DKK3: variants seen among roughly 807,000 people sequenced by gnomAD.
The protein encoded by DKK3 is dickkopf-related protein 3.
A neutral mutation model predicts 33.2 loss-of-function variants in DKK3; 22 were observed. The observed-to-expected ratio is 0.66, with a 90% confidence interval of 0.47 to 0.95. DKK3 has a LOEUF of 0.95. DKK3 is among the 40% of genes least tolerant of loss of function. The pLI, the probability that DKK3 is intolerant of heterozygous loss-of-function variation, is 0.00. For synonymous variants in DKK3, 194 were observed against 188.8 expected (o/e 1.03, Z -0.23); for missense variants, 398 against 458.4 (o/e 0.87, Z 1.20).
intron 3 of DKK3, among the ~76,000 whole-genome samples, chr11:11,989,473 G>T (rs1339937073): frequency 1.3e-5 from 2 of 152,146 alleles, no homozygotes; most frequent in African/African-American, 4.8e-5. Flanking sequence ...TACACTAAGA[G>T]AAATTCACCA....
At chr11:12,009,633 C>T (rs1050232689), upstream of DKK3, 4 of 985,634 alleles carry the variant, frequency 4.1e-6, no homozygotes, top group Non-Finnish European at 4.8e-6. Flanking sequence ...GTTCCTCAGT[C>T]CCACCTTGGT....
chr11:11,983,181 G>A (rs568178605), intron 3 of DKK3, among the ~76,000 whole-genome samples: 1 of 152,198 alleles, frequency 6.6e-6, no homozygotes, highest in Non-Finnish European at 1.5e-5. Flanking sequence ...TTTTAGATGA[G>A]TCAGTGAGCT....
intron 3 of DKK3, among the ~76,000 whole-genome samples, chr11:11,982,756 C>G (rs1168745082): frequency 2.0e-5 from 3 of 152,218 alleles, no homozygotes; most frequent in Non-Finnish European, 2.9e-5. Context: ...AGGGTCCATA[C>G]AGGGCCTCCT....
upstream of DKK3, chr11:12,008,665 C>T: frequency 1.6e-6 from 2 of 1,241,388 alleles, no homozygotes; most frequent in East Asian, 6.7e-5. This position sits in a 1 kb window ranked among gnomAD's most constrained non-coding sequence, Gnocchi z 4.6. Context: ...GCTGGGCCCG[C>T]CGCCCCGCCC....
intron 3 of DKK3, chr11:11,998,264 C>T (rs954694017): frequency 2.1e-5 from 5 of 240,118 alleles, no homozygotes; most frequent in Admixed American, 1.6e-4. Context: ...GCCTTTTTCC[C>T]TTTAGGCCAT....
chr11:12,006,324 C>A (rs946281761), intron 1 of DKK3, among the ~76,000 whole-genome samples: 8 of 152,176 alleles, frequency 5.3e-5, no homozygotes, highest in African/African-American at 1.4e-4. Flanking sequence ...GATAGCTGCC[C>A]AACTCACTGA....
intron 6 of DKK3, among the ~76,000 whole-genome samples, chr11:11,965,296 G>T (rs1013594045): frequency 1.3e-5 from 2 of 152,150 alleles, no homozygotes; most frequent in Non-Finnish European, 2.9e-5. Context: ...AGCAGCCCTG[G>T]ATTCTGTTGG....
At chr11:11,976,975 C>T (rs1290846380) in intron 3 of DKK3, among the ~76,000 whole-genome samples, 4 of 152,164 alleles carry the variant, frequency 2.6e-5, no homozygotes, top group Admixed American at 6.5e-5. Context: ...CCAAACCTCA[C>T]TGAGGGGCTC....
chr11:11,980,486 T>C (rs1047037230), intron 3 of DKK3, among the ~76,000 whole-genome samples: 14 of 152,180 alleles, frequency 9.2e-5, no homozygotes, highest in Admixed American at 9.2e-4. Flanking sequence ...AGAGCTCTTA[T>C]TGGTCAGCTC....
At chr11:11,969,497 A>AG (rs1258030296) in intron 3 of DKK3, among the ~76,000 whole-genome samples, 1 of 152,152 alleles carries the variant, frequency 6.6e-6, no homozygotes, top group Non-Finnish European at 1.5e-5. Context: ...TGACTAGTTC[A>AG]GGGTGGAGGG....
chr11:11,992,882 T>C (rs1848215123), intron 3 of DKK3, among the ~76,000 whole-genome samples: 1 of 152,238 alleles, frequency 6.6e-6, no homozygotes, highest in Admixed American at 6.5e-5. Context: ...ATGATCTTTA[T>C]ATTTCTTTGA....
chr11:11,979,573 C>A (rs763442868), intron 3 of DKK3: 1 of 152,312 alleles, frequency 6.6e-6, no homozygotes, highest in African/African-American at 2.4e-5. Context: ...CCTGCTAAGG[C>A]CAGGAAGTTG....
upstream of DKK3, chr11:12,009,210 C>T (rs1471837438): frequency 1.0e-6 from 1 of 985,122 alleles, no homozygotes; most frequent in Non-Finnish European, 1.2e-6. Context: ...CGGACTGGAT[C>T]TGCTCGCTCC....
chr11:12,001,163 A>G (rs1411892716), intron 2 of DKK3, among the ~76,000 whole-genome samples: 1 of 152,240 alleles, frequency 6.6e-6, no homozygotes, highest in African/African-American at 2.4e-5. Flanking sequence ...AGAAAGGGTG[A>G]CTTGATATTG....
At chr11:11,966,417 G>A (rs1395699270) in intron 5 of DKK3, among the ~76,000 whole-genome samples, 1 of 152,200 alleles carries the variant, frequency 6.6e-6, no homozygotes, top group Non-Finnish European at 1.5e-5. Context: ...AACATCGTGG[G>A]AGACAACAGG....
At chr11:11,973,258 G>A (rs1847762303) in intron 3 of DKK3, among the ~76,000 whole-genome samples, 1 of 152,238 alleles carries the variant, frequency 6.6e-6, no homozygotes, top group Non-Finnish European at 1.5e-5. Flanking sequence ...TCTGCCCAGA[G>A]GTCACCCAGC....
chr11:11,981,090 C>T (rs1441805916), intron 3 of DKK3, among the ~76,000 whole-genome samples: 2 of 152,242 alleles, frequency 1.3e-5, no homozygotes, highest in Admixed American at 1.3e-4. Context: ...CGTCCTCATC[C>T]TAGCAGAGCA....
chr11:11,992,331 A>G (rs893599553), intron 3 of DKK3, among the ~76,000 whole-genome samples: 1 of 152,236 alleles, frequency 6.6e-6, no homozygotes. Flanking sequence ...CCAAAGGCAC[A>G]CAGCTAATAA....
chr11:11,966,972 A>G lies in DKK3; in HGVS notation c.655T>C (p.Cys219Arg). 1 of 1,613,978 alleles carries G rather than the reference A, an allele frequency of 6.2e-7. No homozygotes were observed. Residue 219 changes from cysteine (C) to arginine (R), a missense_variant, in exon 5 of 7, where the codon TGC (cysteine) becomes CGC (arginine). Transcript: ENST00000683431. Reference sequence around the variant, plus strand: ...CACTCACCTCTCTGGAAGGCACAGCACAGCCCCGGCTGGCAGTCCCTCTGG... The same window carrying G: ...CACTCACCTCTCTGGAAGGCACAGCGCAGCCCCGGCTGGCAGTCCCTCTGG... ...DNQRDCQPGLCCAFQRGLLFP... is the reference protein window; with the variant it reads ...DNQRDCQPGLRCAFQRGLLFP...
Sources: allele counts gnomAD v4.1 joint callset (sites outside exome capture counted in the v4.1 genomes callset), GRCh38; gene constraint gnomAD v4.1.1; non-coding constraint Gnocchi (gnomAD v3.1); transcripts MANE v1.5; gene names NCBI Gene and HGNC (gene_info 2026-07-23, HGNC 2026-07-21).